SENP6: variants seen among roughly 807,000 people sequenced by gnomAD.
The protein encoded by SENP6 is SUMO specific peptidase 6.
In SENP6, 41 loss-of-function variants were observed where a neutral mutation model predicts 134.5. The observed-to-expected ratio is 0.30, with a 90% CI of 0.24 to 0.40. The LOEUF (loss-of-function observed/expected upper bound fraction) is 0.40. Among genes scored for constraint, SENP6 ranks in the 10% least tolerant of loss-of-function variants. SENP6 has a pLI of 1.00. For synonymous variants in SENP6, 395 were observed against 429.8 expected (o/e 0.92, Z 1.00); for missense variants, 1,248 against 1,312.5 (o/e 0.95, Z 0.76).
intron 6 of SENP6, among the ~76,000 whole-genome samples, chr6:75,644,677 G>C (rs1770297202): frequency 6.6e-6 from 1 of 152,086 alleles, no homozygotes; most frequent in Non-Finnish European, 1.5e-5. Flanking sequence ...TAGAGACGGT[G>C]TTTCGCCATG....
At chr6:75,629,938 G>A (rs1248874742) in intron 3 of SENP6, among the ~76,000 whole-genome samples, 3 of 152,038 alleles carry the variant, frequency 2.0e-5, no homozygotes, top group African/African-American at 7.2e-5. Flanking sequence ...CTATTCCTAA[G>A]TTGTTTACCA....
At chr6:75,711,582 A>G (rs1775747872) in intron 21 of SENP6, among the ~76,000 whole-genome samples, 166 bp downstream of exon 21, 1 of 152,210 alleles carries the variant, frequency 6.6e-6, no homozygotes, top group African/African-American at 2.4e-5. Context: ...AAATGGGAAG[A>G]ATGGGTAATC....
At chr6:75,684,021 A>G (rs1364156478) in intron 16 of SENP6, among the ~76,000 whole-genome samples, 1 of 152,170 alleles carries the variant, frequency 6.6e-6, no homozygotes, top group African/African-American at 2.4e-5. Flanking sequence ...GATTCTTCCT[A>G]TCCATGAGAA....
rs964795580 is a variant in SENP6, at chr6:75,709,435, CATTA to C, written c.2717-86_2717-83del. ...GATTTTGTGTTCTTGACTACTGTAT[CATTA>C]ATTAACTACTAGCATTAATTTCAGC... On this transcript the variant is annotated intron_variant, in intron 19 of 23. Coordinates refer to ENST00000447266, the MANE Select transcript of SENP6 (RefSeq NM_015571.4). 2.2e-4 allele frequency: 167 copies of C among 773,924 alleles called. 2 individuals are homozygous for C. Among genetic ancestry groups the C allele is most frequent in the Middle Eastern group, 1.6e-3 (6 of 3,834 alleles). The allele number at this position is 773,924 out of a possible 1,614,324, so 47.9% of individuals were successfully genotyped here. A position where few individuals can be genotyped will look rare whatever the true frequency, so the allele number is the denominator to read the frequency against.
At chr6:75,684,710 G>T (rs1226791603) in intron 16 of SENP6, among the ~76,000 whole-genome samples, 1 of 152,164 alleles carries the variant, frequency 6.6e-6, no homozygotes, top group African/African-American at 2.4e-5. Flanking sequence ...TTATTGATTT[G>T]CATATGTTGA....
rs576009193 is a variant in SENP6, at chr6:75,703,108, T to C, written c.2716+36T>C. The C allele has an allele frequency of 4.1e-6, 6 of 1,450,586 alleles. 1 individual carries two copies. Among genetic ancestry groups the C allele is most frequent in the South Asian group, 2.7e-5 (2 of 74,964 alleles). The allele number at this position is 1,450,586 out of a possible 1,614,324, so 89.9% of individuals were successfully genotyped here. A position where few individuals can be genotyped will look rare whatever the true frequency, so the allele number is the denominator to read the frequency against. ...AAATGTTTTGAAAGAATGAAAAAAT[T>C]CAGAATAATCTGGATTTTTTAATAA... On this transcript the variant is annotated intron_variant, in intron 19 of 23. Coordinates refer to ENST00000447266, the MANE Select transcript of SENP6 (RefSeq NM_015571.4).
intron 6 of SENP6, among the ~76,000 whole-genome samples, chr6:75,641,757 C>T (rs1414451186): frequency 1.3e-5 from 2 of 152,066 alleles, no homozygotes; most frequent in African/African-American, 4.8e-5. Context: ...GCGGGAGTAT[C>T]TCTTGAGCCC....
chr6:75,704,561 T>A (rs1431290836), intron 19 of SENP6, among the ~76,000 whole-genome samples: 1 of 152,226 alleles, frequency 6.6e-6, no homozygotes, highest in Non-Finnish European at 1.5e-5. Flanking sequence ...TACTGAGACA[T>A]TCAGTTCCCA....
At chr6:75,662,457 A>AAG (rs765247443) in intron 8 of SENP6, among the ~76,000 whole-genome samples, 2 of 151,938 alleles carry the variant, frequency 1.3e-5, no homozygotes, top group Non-Finnish European at 2.9e-5. Flanking sequence ...TGTTTTCCAA[A>AAG]AGAAACTACA....
chr6:75,640,382 A>G (rs1769931680), intron 5 of SENP6, among the ~76,000 whole-genome samples: 2 of 152,246 alleles, frequency 1.3e-5, no homozygotes, highest in South Asian at 4.1e-4. Context: ...AAGGATCGTT[A>G]GAGAATAGCA....
At chr6:75,668,848 G>A (rs1258828976) in intron 10 of SENP6, among the ~76,000 whole-genome samples, 1 of 152,178 alleles carries the variant, frequency 6.6e-6, no homozygotes, top group Non-Finnish European at 1.5e-5. Context: ...AATCATAAGG[G>A]TACCTCAGTG....
intron 17 of SENP6, among the ~76,000 whole-genome samples, chr6:75,697,219 T>C (rs1289984023): frequency 6.6e-6 from 1 of 152,200 alleles, no homozygotes; most frequent in Non-Finnish European, 1.5e-5. Context: ...AGGAGTAAAA[T>C]ATCTTTCTCC....
chr6:75,635,470 C>T (rs1189735195), intron 5 of SENP6, among the ~76,000 whole-genome samples: 1 of 152,026 alleles, frequency 6.6e-6, no homozygotes, highest in Non-Finnish European at 1.5e-5. Flanking sequence ...AGATACTGTT[C>T]TTCATTTTTT....
chr6:75,688,746 C>T (rs142558365), intron 16 of SENP6, among the ~76,000 whole-genome samples: 6 of 152,198 alleles, frequency 3.9e-5, no homozygotes, highest in African/African-American at 1.2e-4. Flanking sequence ...TATAATGAAG[C>T]CCTGTGTCTA....
intron 16 of SENP6, among the ~76,000 whole-genome samples, chr6:75,694,008 G>A (rs1342723659): frequency 6.6e-6 from 1 of 152,194 alleles, no homozygotes; most frequent in Admixed American, 6.5e-5. Flanking sequence ...TGTAATCCCA[G>A]CACCTTAGGA....
At chr6:75,663,574 T>C (rs1027958754) in intron 9 of SENP6, 56 bp downstream of exon 9, 14 of 1,363,608 alleles carry the variant, frequency 1.0e-5, no homozygotes, top group African/African-American at 1.5e-5. Context: ...TTTTCAGATA[T>C]ATTTTTACAA....
chr6:75,674,596 C>T (rs1772942505), intron 11 of SENP6, among the ~76,000 whole-genome samples: 1 of 152,168 alleles, frequency 6.6e-6, no homozygotes, highest in African/African-American at 2.4e-5. Flanking sequence ...AGTTAAAAGC[C>T]ACCGTTCCCT....
At chr6:75,640,179 T>C (rs1408260048) in intron 5 of SENP6, among the ~76,000 whole-genome samples, 1 of 152,204 alleles carries the variant, frequency 6.6e-6, no homozygotes, top group Non-Finnish European at 1.5e-5. Flanking sequence ...CTCGGGCATA[T>C]AATAAAACCA....
chr6:75,698,592 C>T (rs950411459), intron 18 of SENP6, among the ~76,000 whole-genome samples: 1 of 152,132 alleles, frequency 6.6e-6, no homozygotes, highest in African/African-American at 2.4e-5. Flanking sequence ...ACCTCAGCCT[C>T]CCAAGTAGCT....
Sources: gnomAD v4.1 joint callset for allele counts (sites outside exome capture counted in the v4.1 genomes callset) on GRCh38, gnomAD v4.1.1 for gene constraint, MANE v1.5 for transcripts, NCBI Gene and HGNC (gene_info 2026-07-23, HGNC 2026-07-21) for gene names.